Variants in RB1 observed in about 807,000 individuals in gnomAD.
RB1 encodes RB transcriptional corepressor 1.
In RB1, 18 loss-of-function variants were observed where a neutral mutation model predicts 135.4. The observed-to-expected ratio is 0.13, with a 90% CI of 0.09 to 0.20. The LOEUF (loss-of-function observed/expected upper bound fraction) is 0.20. RB1 is among the 10% of genes least tolerant of loss of function. The pLI is 1.00. For synonymous variants in RB1, 365 were observed against 373.2 expected, an observed-to-expected ratio of 0.98 and a Z score of 0.25; for missense variants, 868 against 1,110.0, an observed-to-expected ratio of 0.78 and a Z score of 3.10.
intron 17 of RB1, among the ~76,000 whole-genome samples, chr13:48,393,911 G>A (rs1366255432): frequency 1.3e-5 from 2 of 152,156 alleles, no homozygotes; most frequent in Non-Finnish European, 2.9e-5. Context: ...AGTTACACAA[G>A]TACTTGGCCA....
chr13:48,403,999 T>G, intron 17 of RB1, among the ~76,000 whole-genome samples: 1 of 152,056 alleles, frequency 6.6e-6, no homozygotes, highest in East Asian at 1.9e-4. Flanking sequence ...AGACACTGTC[T>G]CAAAGAAAAA....
At chr13:48,379,700 G>A (rs549765549) in intron 14 of RB1, 50 bp downstream of exon 14, 12 of 1,573,160 alleles carry the variant, frequency 7.6e-6, no homozygotes, top group African/African-American at 1.4e-5. Context: ...GGTGGCTCAC[G>A]CCTGCAATCC....
chr13:48,380,517 G>A lies in RB1; in HGVS notation c.1498+276G>A, dbSNP rs999866625. Among the ~76,000 whole-genome samples, 4 of 152,034 alleles carry A rather than the reference G, an allele frequency of 2.6e-5. No homozygotes were observed. The South Asian group carries it at 6.2e-4, about 24-fold the overall frequency. On this transcript the variant is annotated intron_variant, in intron 16 of 26. Transcript: ENST00000267163. ...AAAAGGTACTTTTTGAAATCCCTCC[G>A]AAGACCTTTGAGATTGTAGAGTGCC...
intron 17 of RB1, among the ~76,000 whole-genome samples, chr13:48,395,150 A>T (rs187904771): frequency 1.3e-5 from 2 of 152,214 alleles, no homozygotes; most frequent in Admixed American, 1.3e-4. Flanking sequence ...CCTGCAGCAG[A>T]GGGGCCTGAC....
intron 9 of RB1, among the ~76,000 whole-genome samples, chr13:48,366,706 A>G (rs1336829000): frequency 1.3e-5 from 2 of 152,254 alleles, no homozygotes; most frequent in African/African-American, 4.8e-5. Flanking sequence ...GTCTTGCCCA[A>G]GATACTTAAC....
At chr13:48,373,136 G>C (rs1015493597) in intron 11 of RB1, among the ~76,000 whole-genome samples, 18 of 151,896 alleles carry the variant, frequency 1.2e-4, no homozygotes, top group African/African-American at 3.1e-4. Flanking sequence ...TAAAAATAAT[G>C]CCACTATTTT....
chr13:48,331,822 C>G (rs763502440), intron 2 of RB1, among the ~76,000 whole-genome samples: 1 of 152,052 alleles, frequency 6.6e-6, no homozygotes, highest in African/African-American at 2.4e-5. Context: ...TATTCACAGT[C>G]GCAAAGATAT....
chr13:48,312,671 G>A (rs117592590), intron 2 of RB1, among the ~76,000 whole-genome samples: 2,892 of 152,240 alleles, frequency 0.019, 51 homozygotes, highest in Middle Eastern at 0.041. Flanking sequence ...TGCCTCTCAC[G>A]TCTGTCCCTT....
At chr13:48,343,736 G>A (rs979054698) in intron 3 of RB1, among the ~76,000 whole-genome samples, 1 of 152,098 alleles carries the variant, frequency 6.6e-6, no homozygotes, top group East Asian at 1.9e-4. Context: ...GCTATTCTGA[G>A]GCTGATTTCT....
intron 17 of RB1, among the ~76,000 whole-genome samples, chr13:48,388,911 G>A (rs935708004): frequency 3.3e-5 from 5 of 152,146 alleles, no homozygotes; most frequent in African/African-American, 4.8e-5. Flanking sequence ...TGTAATCCCA[G>A]CACTTTGGGA....
At chr13:48,340,546 A>G (rs551599731) in intron 2 of RB1, among the ~76,000 whole-genome samples, 2 of 149,718 alleles carry the variant, frequency 1.3e-5, no homozygotes, top group Non-Finnish European at 1.5e-5. Context: ...ACTAAATTTT[A>G]GCAACTTTCG....
At chr13:48,359,769 G>A (rs1057279056) in intron 6 of RB1, among the ~76,000 whole-genome samples, 1 of 150,540 alleles carries the variant, frequency 6.6e-6, no homozygotes, top group African/African-American at 2.4e-5. Context: ...ATACTTAAAT[G>A]TAAAATTCTC....
intron 17 of RB1, 27 bp from the exon 18 acceptor site, chr13:48,452,966 G>C: frequency 6.2e-7 from 1 of 1,610,232 alleles, no homozygotes. Context: ...TACTAATGTG[G>C]TTTTAATTTC....
rs1281211674 is a variant in RB1 at position 48,319,096 on chromosome 13, C to T, written c.264+11690C>T. The T allele has an allele frequency of 3.3e-6, 2 of 613,870 alleles. No homozygotes were observed. Among genetic ancestry groups the T allele is most frequent in the African/African-American group, 1.8e-5 (1 of 54,286 alleles). The allele number at this position is 613,870 out of a possible 1,614,324, so 38.0% of individuals were successfully genotyped here. On this transcript the variant is annotated intron_variant, in intron 2 of 26. Transcript: ENST00000267163. The surrounding 1 kb of genome is among the most constrained non-coding windows in gnomAD (Gnocchi z 5.0). The stretch of plus-strand genomic sequence containing the variant: ...ACGAGGACCGTTCTACAAACTCGTT[C>T]CTGGAAGCCGGGCTCGCTGGAGGCG...
chr13:48,324,760 AT>A (rs1163021972), intron 2 of RB1, among the ~76,000 whole-genome samples: 1 of 151,066 alleles, frequency 6.6e-6, no homozygotes, highest in Non-Finnish European at 1.5e-5. Flanking sequence ...TGGTAGTTTT[AT>A]TTTTATTTTT....
intron 12 of RB1, among the ~76,000 whole-genome samples, chr13:48,374,753 G>C (rs889722591): frequency 3.9e-5 from 6 of 152,044 alleles, no homozygotes; most frequent in African/African-American, 1.4e-4. Flanking sequence ...GGAGTATGTA[G>C]GAGTTCTTTT....
At chr13:48,409,222 C>T (rs1234738084) in intron 17 of RB1, among the ~76,000 whole-genome samples, 5 of 147,220 alleles carry the variant, frequency 3.4e-5, no homozygotes, top group Admixed American at 1.4e-4. Flanking sequence ...GATCATATCT[C>T]ACTCTAACTT....
At chr13:48,396,928 A>G (rs1566204910) in intron 17 of RB1, among the ~76,000 whole-genome samples, 1 of 152,236 alleles carries the variant, frequency 6.6e-6, no homozygotes, top group Non-Finnish European at 1.5e-5. Context: ...AGAAATGCAA[A>G]TCAAAACCAC....
chr13:48,459,838 G>A lies in RB1; in HGVS notation c.2106+5G>A. 6.2e-7 allele frequency: 1 copy of A among 1,611,970 alleles called. No homozygotes were observed. The highest frequency in any genetic ancestry group is 8.5e-7 in the Non-Finnish European group (1 of 1,178,284). ...AGAGACAGGCATTTGGACCAAGTAA[G>A]AAAATCAAGCACTTCACCTTCTCTC... On this transcript the variant is annotated splice_donor_5th_base_variant and intron_variant, in intron 20 of 26. Transcript: ENST00000267163.
Sources: gnomAD v4.1 joint callset for allele counts (sites outside exome capture counted in the v4.1 genomes callset) on GRCh38, gnomAD v4.1.1 for gene constraint, Gnocchi (gnomAD v3.1) non-coding constraint, MANE v1.5 for transcripts, NCBI Gene and HGNC (gene_info 2026-07-23, HGNC 2026-07-21) for gene names.